AP4B1: variants seen among roughly 807,000 people sequenced by gnomAD.
AP4B1 encodes the protein adaptor related protein complex 4 subunit beta 1.
In AP4B1, 49 loss-of-function variants were observed where a neutral mutation model predicts 76.5. The observed-to-expected ratio is 0.64, with a 90% CI of 0.51 to 0.81. The LOEUF (loss-of-function observed/expected upper bound fraction) is 0.81. AP4B1 is among the 40% of genes least tolerant of loss of function. The pLI, the probability that AP4B1 is intolerant of heterozygous loss-of-function variation, is 0.00. For synonymous variants in AP4B1, 330 were observed against 333.3 expected (o/e 0.99, Z 0.11); for missense variants, 911 against 904.9 (o/e 1.01, Z -0.09).
At position 113,900,235 on chromosome 1, in the gene AP4B1, G is replaced by T. The variant is rs1352725563; in HGVS notation, c.783C>A (p.Ile261=). The T allele has an allele frequency of 2.5e-6, 4 of 1,608,362 alleles. No individual in the cohort carries two copies. Among genetic ancestry groups the T allele is most frequent in the East Asian group, 2.2e-5 (1 of 44,800 alleles). ...GTACGTGGGGAAACATTTTTGCCAA[G>T]ATCAGAAAAAGTTTGGTAGCTCCCA... ...VVMGATKLFL[I]LAKMFPHVQT... is the part of the protein sequence containing the mutation. The change falls in exon 5 of 10, where the codon ATC becomes ATA. Residue 261 remains isoleucine, a synonymous_variant. Coordinates refer to ENST00000369569, the MANE Select transcript of AP4B1 (RefSeq NM_001253852.3).
chr1:113,904,301 A>C (rs1192150655), intron 1 of AP4B1, among the ~76,000 whole-genome samples: 1 of 152,206 alleles, frequency 6.6e-6, no homozygotes, highest in Non-Finnish European at 1.5e-5. Flanking sequence ...GCACGTGGAA[A>C]TGCCAAGCAG....
rs765775702 is a variant in AP4B1 at position 113,896,246 on chromosome 1, T to C, written c.1510+12A>G. Reference sequence around the variant, plus strand: ...GGTCATGGCAAATACTATTTCCTTCTGAAAAACCCACCTATGCAGTAATAC... The same window carrying C: ...GGTCATGGCAAATACTATTTCCTTCCGAAAAACCCACCTATGCAGTAATAC... On this transcript the variant is annotated intron_variant, in intron 8 of 9. Transcript: ENST00000369569. The C allele has an allele frequency of 1.5e-5, 25 of 1,613,990 alleles. No individual in the cohort carries two copies. The Middle Eastern group carries it at 4.9e-4, about 32-fold the overall frequency.
chr1:113,903,352 C>T (rs1387775084), intron 1 of AP4B1, among the ~76,000 whole-genome samples: 1 of 152,246 alleles, frequency 6.6e-6, no homozygotes, highest in African/African-American at 2.4e-5. Context: ...CAGCGTGAGC[C>T]ACCGCACCCA....
Position 113,896,428 on chromosome 1 carries a change from C to T in AP4B1, c.1340G>A (p.Gly447Glu). The change falls in exon 8 of 10, where the codon GGG (glycine) becomes GAG (glutamate). Residue 447 changes from glycine (G) to glutamate (E), a missense_variant. Gly to Glu is a moderately conservative substitution (Grantham distance 98). Coordinates refer to ENST00000369569, the MANE Select transcript of AP4B1 (RefSeq NM_001253852.3). ...ATAAGGAGCATTAGGAATTCTTTCC[C>T]CATGGACACCAAGTAGCCAAATAAG... is the stretch of plus-strand genomic sequence containing the variant. ...QALIWLLGVH[G>E]ERIPNAPYVL... 6.2e-7 allele frequency: 1 copy of T among 1,614,134 alleles called. No homozygotes were observed. Among genetic ancestry groups the T allele is most frequent in the Non-Finnish European group, 8.5e-7 (1 of 1,180,030 alleles).
chr1:113,904,177 C>T (rs1668672586), intron 1 of AP4B1, among the ~76,000 whole-genome samples: 3 of 152,214 alleles, frequency 2.0e-5, no homozygotes, highest in Admixed American at 1.3e-4. Flanking sequence ...TCAAGGTTGG[C>T]TCCCACGCAT....
chr1:113,897,580 T>C, intron 7 of AP4B1: 1 of 488,906 alleles, frequency 2.0e-6, no homozygotes, highest in East Asian at 4.0e-5. Flanking sequence ...GGCAACTCTA[T>C]CTCAAGCAAA....
chr1:113,895,455 T>C lies in AP4B1; in HGVS notation c.1830A>G (p.Gln610=), dbSNP rs1319489415. 5.0e-6 allele frequency: 8 copies of C among 1,614,122 alleles called. No homozygotes were observed. Among genetic ancestry groups the C allele is most frequent in the East Asian group, 4.5e-5 (2 of 44,898 alleles). The stretch of plus-strand genomic sequence containing the variant: ...TGAGGGCTCCAGAATCAGGGAGTTC[T>C]TGTACCCTCTCCTTGTTCTCTTCAG... ...LIPEENKERV[Q]ELPDSGALML... The change falls in exon 10 of 10, where the codon CAA becomes CAG. Residue 610 remains glutamine (Q), a synonymous_variant. Transcript: ENST00000369569.
rs777639673 is a variant in AP4B1 at position 113,895,123 on chromosome 1, T to C, written c.2162A>G (p.Asn721Ser). 3.7e-6 allele frequency: 6 copies of C among 1,614,206 alleles called. No homozygotes were observed. In the Middle Eastern group the frequency reaches 4.9e-4, roughly 133 times the overall value. The change falls in exon 10 of 10, where the codon AAT becomes AGT. Residue 721 changes from asparagine to serine, a missense_variant. By Grantham distance (46) the Asn-to-Ser change is conservative. Transcript: ENST00000369569. ...AGTTTCTAATACAGAAATAAAACTA[T>C]TCAGCGTCTCCGTTCTTGCTTCATT... ...KQNEARTETL[N>S]SFISVLETVI...
intron 2 of AP4B1, 133 bp from the exon 3 acceptor site, chr1:113,902,018 T>A (rs369892580): frequency 8.3e-7 from 1 of 1,206,540 alleles, no homozygotes; most frequent in Non-Finnish European, 1.2e-6. Flanking sequence ...AAAGCCTCTA[T>A]CAAGCTTAAA....
rs369298592 is a variant in AP4B1, at chr1:113,898,903, T to TA, written c.1115-103dup. ...GAAAGACAAAAGAAACAGAATTATC[T>TA]AAAAAAAAAAAAAAGAAAAAAATTC... On this transcript the variant is annotated intron_variant, in intron 5 of 9. Coordinates refer to ENST00000369569, the MANE Select transcript of AP4B1 (RefSeq NM_001253852.3). 69,172 of 716,252 alleles carry TA rather than the reference T, an allele frequency of 0.097. 129 individuals are homozygous for TA. Among genetic ancestry groups the TA allele is most frequent in the Admixed American group, 0.13 (3,973 of 29,486 alleles). 44.4% of individuals were successfully genotyped at this position (716,252 alleles called of 1,614,324 possible).
intron 1 of AP4B1, 87 bp from the exon 2 acceptor site, chr1:113,902,949 C>T (rs1294414676): frequency 8.3e-7 from 1 of 1,201,094 alleles, no homozygotes; most frequent in Non-Finnish European, 1.2e-6. Context: ...CTCCTGATTA[C>T]CCAACTAGAT....
intron 7 of AP4B1, chr1:113,897,466 G>A: frequency 6.2e-6 from 2 of 324,102 alleles, no homozygotes; most frequent in East Asian, 7.9e-5. Context: ...GTGCACACCT[G>A]TAATCACAGC....
intron 3 of AP4B1, 120 bp from the exon 4 acceptor site, chr1:113,901,503 G>A (rs1668259864): frequency 7.9e-7 from 1 of 1,273,056 alleles, no homozygotes; most frequent in Non-Finnish European, 1.1e-6. Flanking sequence ...AATGACAAAG[G>A]CCACACTAAA....
chr1:113,900,354 GA>G lies in AP4B1; in HGVS notation c.663del (p.Leu222CysfsTer31), dbSNP rs776766270. On this transcript the variant is annotated frameshift_variant, in exon 5 of 10. Transcript: ENST00000369569. LOFTEE classifies it high-confidence loss of function. ...DQWGQAEVLN[F>X]LLRYQPRSEE... ...TCACTGCGGGGTTGGTAGCGTAGCAGAAAGTTCAATACTTCAGCCTGGCCCC... is the reference window on the plus strand; with the variant it reads ...TCACTGCGGGGTTGGTAGCGTAGCAGAAGTTCAATACTTCAGCCTGGCCCC... 6.8e-6 allele frequency: 11 copies of G among 1,611,332 alleles called. No homozygotes were observed. In the African/African-American group the frequency reaches 1.3e-4, roughly 20 times the overall value.
chr1:113,904,660 G>T lies in AP4B1; in HGVS notation c.58C>A (p.Pro20Thr). 6.2e-7 allele frequency: 1 copy of T among 1,613,362 alleles called. No homozygotes were observed. The highest frequency in any genetic ancestry group is 8.5e-7 in the Non-Finnish European group (1 of 1,180,026). The change falls in exon 1 of 10, where the codon CCT (proline) becomes ACT (threonine). Residue 20 changes from proline to threonine, a missense_variant. Physicochemically the swap from Pro to Thr is conservative, Grantham distance 38. Transcript: ENST00000369569. Reference protein sequence around the residue: ...VKELKKALCNPHIQADRLRYR... With the variant: ...VKELKKALCNTHIQADRLRYR... ...CGCAGCCTATCAGCTTGAATGTGAGGATTGCACAGAGCCTTCTTCAGCTCC... is the reference window on the plus strand; with the variant it reads ...CGCAGCCTATCAGCTTGAATGTGAGTATTGCACAGAGCCTTCTTCAGCTCC...
In AP4B1 at chr1:113,896,431, T is replaced by A. The variant is rs748049847; in HGVS notation, c.1337A>T (p.His446Leu). The A allele has an allele frequency of 9.3e-6, 15 of 1,614,080 alleles. No homozygotes were observed. The highest frequency in any genetic ancestry group is 1.3e-5 in the African/African-American group (1 of 74,926). Residue 446 changes from histidine to leucine, a missense_variant, in exon 8 of 10, where the codon CAT (histidine) becomes CTT (leucine). Physicochemically the swap from His to Leu is moderately conservative, Grantham distance 99 (BLOSUM62 -3). Coordinates refer to ENST00000369569, the MANE Select transcript of AP4B1 (RefSeq NM_001253852.3). Reference sequence around the variant, plus strand: ...AGGAGCATTAGGAATTCTTTCCCCATGGACACCAAGTAGCCAAATAAGTGC... The same window carrying A: ...AGGAGCATTAGGAATTCTTTCCCCAAGGACACCAAGTAGCCAAATAAGTGC... ...KQALIWLLGVHGERIPNAPYV... is the reference protein window; with the variant it reads ...KQALIWLLGVLGERIPNAPYV...
intron 1 of AP4B1, 40 bp downstream of exon 1, chr1:113,904,565 C>A: frequency 6.3e-7 from 1 of 1,589,306 alleles, no homozygotes; most frequent in Non-Finnish European, 8.6e-7. Context: ...ATGGGGATTG[C>A]AAAGGGAGCA....
At chr1:113,899,749 TC>T in intron 5 of AP4B1, 154 bp downstream of exon 5, 2 of 1,228,708 alleles carry the variant, frequency 1.6e-6, no homozygotes, top group Non-Finnish European at 2.3e-6. Context: ...AAAACTCTCT[TC>T]CCCCGTGTTT....
Position 113,895,814 on chromosome 1 carries a change from G to A in AP4B1, c.1735C>T (p.Gln579Ter). The change falls in exon 9 of 10, where the codon CAG becomes TAG. Residue 579 changes from glutamine to a stop codon, truncating the protein, a stop_gained. Coordinates refer to ENST00000369569, the MANE Select transcript of AP4B1 (RefSeq NM_001253852.3). LOFTEE classifies it high-confidence loss of function. ...KAHWATISKC[Q>*]GAERCDPELP... is the part of the protein sequence containing the mutation. Reference sequence around the variant, plus strand: ...TCTGGGTCACAACGCTCTGCCCCCTGGCATTTAGAGATAGTTGCCCAGTGG... The same window carrying A: ...TCTGGGTCACAACGCTCTGCCCCCTAGCATTTAGAGATAGTTGCCCAGTGG... 1 of 1,614,214 alleles carries A rather than the reference G, an allele frequency of 6.2e-7. No individual in the cohort carries two copies. Among genetic ancestry groups the A allele is most frequent in the South Asian group, 1.1e-5 (1 of 91,082 alleles).
Sources: allele counts gnomAD v4.1 joint callset (sites outside exome capture counted in the v4.1 genomes callset), GRCh38; gene constraint gnomAD v4.1.1; transcripts MANE v1.5; gene names NCBI Gene and HGNC (gene_info 2026-07-23, HGNC 2026-07-21).